The following ABCC1 variants were observed in gnomAD, a reference collection of about 807,000 sequenced individuals.
ABCC1 encodes the protein ATP binding cassette subfamily C member 1 (ABCC1 blood group).
In ABCC1, 83 loss-of-function variants were observed where a neutral mutation model predicts 172.9. That is an observed-to-expected ratio of 0.48 (90% CI 0.40 to 0.58). The LOEUF (loss-of-function observed/expected upper bound fraction) is 0.58. Ranked by LOEUF, ABCC1 falls within the 20% of genes least tolerant of loss-of-function variation. The pLI, the probability that ABCC1 is intolerant of heterozygous loss-of-function variation, is 0.00. For missense variants in ABCC1, 1,817 were observed against 2,002.7 expected (o/e 0.91, Z 1.77); for synonymous variants, 937 against 825.2 (o/e 1.14, Z -2.32).
chr16:16,091,034 G>A lies in ABCC1; in HGVS notation c.2644+446G>A, dbSNP rs2051232697. ...GTTAAGCTGGCAGGCTCGGGTTGGT[G>A]ACGTCTGGGTTCAATCCCCGGCCGC... On this transcript the variant is annotated intron_variant, in intron 19 of 30. Coordinates refer to ENST00000399410, the MANE Select transcript of ABCC1 (RefSeq NM_004996.4). Among the ~76,000 whole-genome samples, 4 of 152,264 alleles carry A rather than the reference G, an allele frequency of 2.6e-5. No homozygotes were observed. The South Asian group carries it at 8.3e-4, about 32-fold the overall frequency.
intron 19 of ABCC1, among the ~76,000 whole-genome samples, chr16:16,101,054 CAG>C (rs2051721337): frequency 2.0e-5 from 3 of 150,622 alleles, no homozygotes; most frequent in South Asian, 4.2e-4. Context: ...TATTTTTAGA[CAG>C]AGTCTCGCTC....
chr16:16,013,459 T>G (rs1030922180), intron 3 of ABCC1, among the ~76,000 whole-genome samples: 1 of 151,430 alleles, frequency 6.6e-6, no homozygotes, highest in African/African-American at 2.4e-5. Context: ...TTAGTAGAGA[T>G]AGGGTTTCAC....
intron 28 of ABCC1, 33 bp from the exon 29 acceptor site, chr16:16,136,439 CAGGTGT>C: frequency 6.2e-7 from 1 of 1,607,294 alleles, no homozygotes; most frequent in Non-Finnish European, 8.5e-7. Context: ...CAGCGTGACA[CAGGTGT>C]CACATGCCGT....
At chr16:16,136,808 G>C (rs1245457746) in intron 29 of ABCC1, among the ~76,000 whole-genome samples, 164 bp downstream of exon 29, 1 of 152,116 alleles carries the variant, frequency 6.6e-6, no homozygotes, top group Non-Finnish European at 1.5e-5. Flanking sequence ...CTGTAAAACG[G>C]GTCTCAATCC....
In ABCC1 at chr16:16,056,182, C is replaced by G. The variant is rs1274535382; in HGVS notation, c.1564C>G (p.Leu522Val). The G allele has an allele frequency of 6.2e-7, 1 of 1,614,104 alleles. No homozygotes were observed. The highest frequency in any genetic ancestry group is 8.5e-7 in the Non-Finnish European group (1 of 1,180,030). The change falls in exon 12 of 31, where the codon CTG becomes GTG. Residue 522 changes from leucine (L) to valine (V), a missense_variant. Transcript: ENST00000399410. ...AGTGCTAAAGCTTTATGCCTGGGAG[C>G]TGGCATTCAAGGACAAGGTGCTGGC... Reference protein sequence around the residue: ...IKVLKLYAWELAFKDKVLAIR... With the variant: ...IKVLKLYAWEVAFKDKVLAIR...
rs369472839 is a variant in ABCC1 at position 16,142,627 on chromosome 16, G to C, written c.*1346G>C. On this transcript the variant is annotated 3_prime_UTR_variant, in exon 31 of 31. Transcript: ENST00000399410. ...ATTTTTTTTTTTTAAGTACTGTTCC[G>C]GGGAGAAAAACAGTCTCAAAACTTG... 1.3e-5 allele frequency: 2 copies of C among 151,462 alleles called. No individual in the cohort carries two copies. The highest frequency in any genetic ancestry group is 4.2e-4 in the South Asian group (2 of 4,804). The allele number at this position is 151,462 out of a possible 1,614,324, so 9.4% of individuals were successfully genotyped here.
chr16:16,036,335 G>A, intron 6 of ABCC1, 137 bp from the exon 7 acceptor site: 3 of 705,976 alleles, frequency 4.2e-6, no homozygotes, highest in Non-Finnish European at 6.8e-6. Flanking sequence ...AAGCTGCATG[G>A]CTGCCTTCAT....
At chr16:16,080,878 G>A (rs942506671) in intron 16 of ABCC1, among the ~76,000 whole-genome samples, 3 of 41,942 alleles carry the variant, frequency 7.2e-5, no homozygotes, top group African/African-American at 2.9e-4. Flanking sequence ...TGTTGTTGTG[G>A]GTTTTGAGAC....
At position 16,110,103 on chromosome 16, in the gene ABCC1, C is replaced by CTT. The variant is rs145470101; in HGVS notation, c.2872-1260_2872-1259dup. The stretch of plus-strand genomic sequence containing the variant: ...TTTCCATTTTCAGCTGGTTTAACTC[C>CTT]TTTTTTTTTTTTTCCCCCTGGAGGC... On this transcript the variant is annotated intron_variant, in intron 21 of 30. Transcript: ENST00000399410. Among the ~76,000 whole-genome samples, 284 of 143,844 alleles carry CTT rather than the reference C, an allele frequency of 2.0e-3. 2 individuals carry two copies. Among genetic ancestry groups the CTT allele is most frequent in the African/African-American group, 6.2e-3 (245 of 39,232 alleles). 94.4% of individuals were successfully genotyped at this position (143,844 alleles called of 152,430 possible).
At chr16:15,968,875 A>G (rs1233813298) in intron 1 of ABCC1, among the ~76,000 whole-genome samples, 1 of 150,856 alleles carries the variant, frequency 6.6e-6, no homozygotes, top group Non-Finnish European at 1.5e-5. Context: ...GGTGCCCACC[A>G]CCATGCCCAG....
intron 21 of ABCC1, among the ~76,000 whole-genome samples, chr16:16,109,798 T>C (rs983197890): frequency 6.6e-6 from 1 of 152,214 alleles, no homozygotes; most frequent in Non-Finnish European, 1.5e-5. Context: ...AGTTGTGGTG[T>C]TGAGGTGACA....
At chr16:15,950,757 C>A (rs2045852609) in intron 1 of ABCC1, among the ~76,000 whole-genome samples, 1 of 152,176 alleles carries the variant, frequency 6.6e-6, no homozygotes, top group South Asian at 2.1e-4. Context: ...ACGACTGTTT[C>A]TCTCTCCTCT....
At chr16:16,010,534 C>A (rs563851976) in intron 3 of ABCC1, among the ~76,000 whole-genome samples, 45 of 152,244 alleles carry the variant, frequency 3.0e-4, no homozygotes, top group African/African-American at 9.4e-4. Context: ...TGAGTTTTCA[C>A]TATCTGGCAT....
rs71137915 is a variant in ABCC1 at position 16,132,510 on chromosome 16, G to GTTTTTTTTTTTT, written c.3966+593_3966+604dup. Among the ~76,000 whole-genome samples the GTTTTTTTTTTTT allele has an allele frequency of 4.7e-3, 174 of 37,230 alleles. 12 individuals are homozygous for GTTTTTTTTTTTT. The highest frequency in any genetic ancestry group is 5.5e-3 in the Non-Finnish European group (110 of 20,074). The allele number at this position is 37,230 out of a possible 152,430, so 24.4% of individuals were successfully genotyped here. On this transcript the variant is annotated intron_variant, in intron 27 of 30. Transcript: ENST00000399410. ...TTCTTTTTTTGTTTTTTGGTTGGTT[G>GTTTTTTTTTTTT]TTTTTTTTTTTTTTTTTTTTTTTTT...
chr16:15,993,525 G>A (rs1270723781), intron 1 of ABCC1, among the ~76,000 whole-genome samples: 1 of 152,148 alleles, frequency 6.6e-6, no homozygotes, highest in Non-Finnish European at 1.5e-5. Flanking sequence ...ATAACTTGAG[G>A]AGGTGGGGAG....
chr16:16,100,077 C>G (rs1001201084), intron 19 of ABCC1, among the ~76,000 whole-genome samples: 4 of 151,952 alleles, frequency 2.6e-5, no homozygotes, highest in African/African-American at 9.7e-5. Context: ...CAGAGAAGAC[C>G]TTGTCTCAAG....
chr16:15,986,718 T>G (rs2046752975), intron 1 of ABCC1, among the ~76,000 whole-genome samples: 1 of 152,168 alleles, frequency 6.6e-6, no homozygotes, highest in South Asian at 2.1e-4. Context: ...GCAGAGTCCC[T>G]TTTGCCATGA....
chr16:16,005,212 G>A (rs1436058822), intron 1 of ABCC1, among the ~76,000 whole-genome samples: 1 of 151,932 alleles, frequency 6.6e-6, no homozygotes, highest in East Asian at 1.9e-4. Context: ...CAGTAGGATG[G>A]GAAGGCTGTG....
chr16:16,004,789 G>A (rs2047461353), intron 1 of ABCC1, among the ~76,000 whole-genome samples: 1 of 151,186 alleles, frequency 6.6e-6, no homozygotes, highest in African/African-American at 2.4e-5. Context: ...CTACTAGCTG[G>A]GATTACAGAC....
Sources: gnomAD v4.1 joint callset for allele counts (sites outside exome capture counted in the v4.1 genomes callset) on GRCh38, gnomAD v4.1.1 for gene constraint, MANE v1.5 for transcripts, NCBI Gene and HGNC (gene_info 2026-07-23, HGNC 2026-07-21) for gene names.